The following ARAP2 variants were observed in gnomAD, a reference collection of about 807,000 sequenced individuals.
The protein encoded by ARAP2 is arf-GAP with Rho-GAP domain, ANK repeat and PH domain-containing protein 2.
Under a neutral mutation model 194.5 loss-of-function variants are expected in ARAP2, and 148 were observed. That is an observed-to-expected ratio of 0.76 (90% CI 0.67 to 0.87). ARAP2 has a LOEUF of 0.87. Among genes scored for constraint, ARAP2 ranks in the 40% least tolerant of loss-of-function variants. The pLI, the probability that ARAP2 is intolerant of heterozygous loss-of-function variation, is 0.00. For missense variants in ARAP2, 2,128 were observed against 1,989.7 expected (o/e 1.07, Z -1.32); for synonymous variants, 695 against 683.5 (o/e 1.02, Z -0.26).
intron 6 of ARAP2, among the ~76,000 whole-genome samples, chr4:36,200,299 A>G (rs1195540267): frequency 6.6e-6 from 1 of 151,440 alleles, no homozygotes; most frequent in Non-Finnish European, 1.5e-5. Flanking sequence ...CTTGTTGCCC[A>G]GGCTGGAGTG....
At chr4:36,060,756 T>C (rs192561474) in intron 1 of ARAP2, among the ~76,000 whole-genome samples, 3 of 152,304 alleles carry the variant, frequency 2.0e-5, no homozygotes, top group Admixed American at 6.5e-5. Flanking sequence ...GACACTCTCC[T>C]TGTTTCCTCA....
intron 6 of ARAP2, among the ~76,000 whole-genome samples, chr4:36,207,885 T>C (rs1233888564): frequency 6.6e-6 from 1 of 152,200 alleles, no homozygotes; most frequent in Non-Finnish European, 1.5e-5. Flanking sequence ...CAGCAGCTTG[T>C]ATTACAATGT....
At chr4:36,192,274 G>T (rs1298639710) in intron 7 of ARAP2, among the ~76,000 whole-genome samples, 1 of 141,640 alleles carries the variant, frequency 7.1e-6, no homozygotes, top group Admixed American at 7.6e-5. Context: ...TTAATATTAA[G>T]CTAAATGATT....
In ARAP2 at chr4:36,007,954, G is replaced by C. The variant is rs145520335; in HGVS notation, n.1326-908C>G. Among the ~76,000 whole-genome samples, 290 of 152,092 alleles carry C rather than the reference G, an allele frequency of 1.9e-3. 2 individuals are homozygous for C. Among genetic ancestry groups the C allele is most frequent in the African/African-American group, 6.5e-3 (270 of 41,494 alleles). On this transcript the variant is annotated intron_variant and non_coding_transcript_variant, in intron 9 of 12. Transcript: ENST00000503225. ...CAATCTCTTTCATAATTGCCACAGA[G>C]AGAATGAAATGCCTAGAAATACAGA...
Position 36,128,699 on chromosome 4 carries a change from A to T in ARAP2, c.3474T>A (p.His1158Gln), listed in dbSNP as rs1357389672. The T allele has an allele frequency of 6.2e-7, 1 of 1,612,632 alleles. No individual in the cohort carries two copies. The highest frequency in any genetic ancestry group is 8.5e-7 in the Non-Finnish European group (1 of 1,179,260). The part of the protein sequence containing the change: ...YIYQKNGDPL[H>Q]ISELLESFKK... ...TGAAACTCTCCAGGAGTTCACTTAT[A>T]TGCAAAGGATCACCATTCTTTTGAT... Residue 1158 changes from histidine (H) to glutamine (Q), a missense_variant, in exon 21 of 33, where the codon CAT becomes CAA. Transcript: ENST00000303965.
chr4:36,220,354 G>A (rs912753591), intron 2 of ARAP2, among the ~76,000 whole-genome samples: 3 of 152,046 alleles, frequency 2.0e-5, no homozygotes, highest in East Asian at 3.9e-4. Context: ...AAGTGATGTT[G>A]TAGCCATTGC....
chr4:36,105,906 T>C (rs551575989), intron 27 of ARAP2, among the ~76,000 whole-genome samples: 8 of 152,022 alleles, frequency 5.3e-5, no homozygotes, highest in African/African-American at 9.6e-5. Context: ...TTTAAACATG[T>C]TGCAACATGG....
At chr4:36,093,208 G>T (rs1714208389) in intron 27 of ARAP2, among the ~76,000 whole-genome samples, 1 of 152,012 alleles carries the variant, frequency 6.6e-6, no homozygotes, top group South Asian at 2.1e-4. Flanking sequence ...CTATTGGAAG[G>T]CGGAGGGTGG....
intron 17 of ARAP2, among the ~76,000 whole-genome samples, 199 bp downstream of exon 17, chr4:36,148,206 T>G (rs1730111212): frequency 6.6e-6 from 1 of 152,158 alleles, no homozygotes; most frequent in African/African-American, 2.4e-5. Context: ...TTTCTCCAAG[T>G]CTTACTTTAA....
At chr4:36,110,897 T>A (rs1043317105) in intron 26 of ARAP2, among the ~76,000 whole-genome samples, 1 of 151,986 alleles carries the variant, frequency 6.6e-6, no homozygotes, top group African/African-American at 2.4e-5. Context: ...TAAGAATCTA[T>A]TTGCATCATC....
chr4:36,208,503 C>G (rs1273933152), intron 6 of ARAP2, among the ~76,000 whole-genome samples: 1 of 152,220 alleles, frequency 6.6e-6, no homozygotes, highest in Non-Finnish European at 1.5e-5. Flanking sequence ...GGAATCCCAT[C>G]TCAATCAGCG....
chr4:36,044,189 GAATA>G, intron 5 of ARAP2, among the ~76,000 whole-genome samples: 1 of 152,116 alleles, frequency 6.6e-6, no homozygotes, highest in Non-Finnish European at 1.5e-5. Context: ...AAAGGCCACT[GAATA>G]AATGAGTTAT....
At chr4:36,092,608 T>A (rs1010817822) in intron 27 of ARAP2, among the ~76,000 whole-genome samples, 2 of 152,154 alleles carry the variant, frequency 1.3e-5, no homozygotes, top group African/African-American at 4.8e-5. Flanking sequence ...AAACTCTGTC[T>A]CAAATAAAAT....
intron 6 of ARAP2, among the ~76,000 whole-genome samples, chr4:36,208,205 C>A (rs1446137735): frequency 6.6e-6 from 1 of 152,122 alleles, no homozygotes; most frequent in Non-Finnish European, 1.5e-5. Flanking sequence ...GACATTTTAG[C>A]ATGAATTTGA....
At chr4:36,215,334 G>A (rs1747697189) in intron 2 of ARAP2, among the ~76,000 whole-genome samples, 1 of 152,188 alleles carries the variant, frequency 6.6e-6, no homozygotes, top group South Asian at 2.1e-4. Flanking sequence ...AAGAAATGCG[G>A]TGGAAAAAGA....
intron 1 of ARAP2, among the ~76,000 whole-genome samples, chr4:36,236,085 G>T (rs1752387877): frequency 6.6e-6 from 1 of 151,758 alleles, no homozygotes; most frequent in African/African-American, 2.4e-5. Context: ...AGGCTGAGGT[G>T]GGAGGATGGG....
intron 10 of ARAP2, chr4:36,006,435 G>A (rs1713291743): frequency 6.6e-6 from 1 of 152,138 alleles, no homozygotes; most frequent in Non-Finnish European, 1.5e-5. Flanking sequence ...AGGAAATGAG[G>A]TTAAGACATT....
At chr4:36,176,752 G>A (rs1738015153) in intron 9 of ARAP2, among the ~76,000 whole-genome samples, 1 of 152,112 alleles carries the variant, frequency 6.6e-6, no homozygotes, top group South Asian at 2.1e-4. Context: ...GCCTTCAACT[G>A]TTAATTGGCT....
intron 9 of ARAP2, among the ~76,000 whole-genome samples, chr4:36,007,909 T>G (rs1445960928): frequency 2.0e-5 from 3 of 152,092 alleles, no homozygotes; most frequent in East Asian, 3.9e-4. Context: ...ACTTTCAAGT[T>G]GAGAGCCAAA....
Sources: allele counts gnomAD v4.1 joint callset (sites outside exome capture counted in the v4.1 genomes callset), GRCh38; gene constraint gnomAD v4.1.1; transcripts MANE v1.5; gene names NCBI Gene and HGNC (gene_info 2026-07-23, HGNC 2026-07-21).